Variants in CDK14 observed in about 807,000 individuals in gnomAD.
CDK14 encodes cyclin dependent kinase 14, also known as cyclin-dependent kinase 14.
Under a neutral mutation model 60.7 loss-of-function variants are expected in CDK14, and 34 were observed. The observed-to-expected ratio is 0.56, with a 90% CI of 0.43 to 0.75. The LOEUF is 0.75. Among genes scored for constraint, CDK14 ranks in the 30% least tolerant of loss-of-function variants. The pLI, the probability that CDK14 is intolerant of heterozygous loss-of-function variation, is 0.00. For missense variants in CDK14, 482 were observed against 564.1 expected (o/e 0.85, Z 1.47); for synonymous variants, 197 against 203.7 (o/e 0.97, Z 0.28).
chr7:90,611,781 A>C (rs17865518), intron 2 of CDK14, among the ~76,000 whole-genome samples: 2,187 of 148,892 alleles, frequency 0.015, 23 homozygotes, highest in Middle Eastern at 0.029. Flanking sequence ...GCCTTTCACG[A>C]TCTATCTCTT....
intron 9 of CDK14, among the ~76,000 whole-genome samples, chr7:90,956,892 A>T (rs1454481942): frequency 6.6e-6 from 1 of 151,450 alleles, no homozygotes; most frequent in Non-Finnish European, 1.5e-5. Flanking sequence ...GTGATAGTTT[A>T]TTGAGAATGA....
chr7:91,130,263 AC>A (rs1348232066), intron 14 of CDK14, among the ~76,000 whole-genome samples: 1 of 152,164 alleles, frequency 6.6e-6, no homozygotes, highest in Non-Finnish European at 1.5e-5. Flanking sequence ...ACTATAGGGC[AC>A]TGCCACTCCT....
chr7:91,145,825 C>T (rs1800610737), intron 14 of CDK14, among the ~76,000 whole-genome samples: 1 of 152,186 alleles, frequency 6.6e-6, no homozygotes, highest in African/African-American at 2.4e-5. Flanking sequence ...TAGATGCTTT[C>T]CCTTGAAGAG....
intron 12 of CDK14, among the ~76,000 whole-genome samples, chr7:91,106,340 C>A (rs1799294604): frequency 6.6e-6 from 1 of 152,040 alleles, no homozygotes. Context: ...AAATATATAC[C>A]CAGCCAACCC....
At chr7:90,753,186 CAATG>C (rs376904206) in intron 4 of CDK14, among the ~76,000 whole-genome samples, 2 of 152,110 alleles carry the variant, frequency 1.3e-5, no homozygotes, top group Admixed American at 6.6e-5. Context: ...AGGAAAGAAA[CAATG>C]AAAACAGAAA....
intron 9 of CDK14, among the ~76,000 whole-genome samples, chr7:90,959,858 G>C (rs936948959): frequency 6.6e-6 from 1 of 152,104 alleles, no homozygotes; most frequent in Admixed American, 6.6e-5. Flanking sequence ...TATGAAAATA[G>C]ATAGTTTTTG....
At chr7:91,087,175 T>C (rs1218692275) in intron 12 of CDK14, among the ~76,000 whole-genome samples, 3 of 152,178 alleles carry the variant, frequency 2.0e-5, no homozygotes, top group Non-Finnish European at 4.4e-5. Context: ...CATGAAACAA[T>C]ATATCCCTCT....
chr7:91,109,409 A>G (rs1799411435), intron 12 of CDK14, among the ~76,000 whole-genome samples: 2 of 152,144 alleles, frequency 1.3e-5, no homozygotes, highest in Admixed American at 6.5e-5. Context: ...ATTGATGATG[A>G]ATGCAAAAAA....
chr7:90,924,713 T>A (rs954707642), intron 8 of CDK14, among the ~76,000 whole-genome samples: 7 of 152,184 alleles, frequency 4.6e-5, no homozygotes, highest in African/African-American at 7.2e-5. Flanking sequence ...ATTTTTTTTT[T>A]AATTTGTGAT....
chr7:90,891,234 G>T (rs1792114746), intron 6 of CDK14, among the ~76,000 whole-genome samples: 1 of 152,208 alleles, frequency 6.6e-6, no homozygotes, highest in Admixed American at 6.5e-5. Context: ...TCACCTGGAA[G>T]AGGTTGGAGT....
Position 91,110,965 on chromosome 7 carries a change from C to T in CDK14, c.1155-1577C>T, listed in dbSNP as rs546900406. Among the ~76,000 whole-genome samples the T allele has an allele frequency of 3.9e-5, 6 of 152,210 alleles. No individual in the cohort carries two copies. The East Asian group carries it at 1.2e-3, about 29-fold the overall frequency. On this transcript the variant is annotated intron_variant, in intron 12 of 14. Coordinates refer to ENST00000380050, the MANE Select transcript of CDK14 (RefSeq NM_001287135.2). ...GAAGAGGAAGGAATAATATGAATGG[C>T]CCTGTGCCCTCTTAAAGGGGAAAAA...
chr7:90,672,503 T>C (rs13231566), intron 2 of CDK14, among the ~76,000 whole-genome samples: 1 of 3,490 alleles, frequency 2.9e-4, no homozygotes, highest in Non-Finnish European at 6.1e-4. Flanking sequence ...TCTTCTTCTG[T>C]TTTTTTTTTT....
chr7:90,837,803 G>C (rs947721650), intron 5 of CDK14, among the ~76,000 whole-genome samples: 3 of 152,188 alleles, frequency 2.0e-5, no homozygotes, highest in African/African-American at 7.2e-5. Context: ...ACCATCTCTG[G>C]TGTGAGGGTA....
At chr7:91,085,477 G>A (rs1365498493) in intron 12 of CDK14, among the ~76,000 whole-genome samples, 3 of 152,180 alleles carry the variant, frequency 2.0e-5, no homozygotes, top group African/African-American at 7.2e-5. Context: ...GAAGGTTCAT[G>A]TAATTAGATT....
intron 14 of CDK14, among the ~76,000 whole-genome samples, chr7:91,145,346 G>C (rs1282465660): frequency 1.3e-5 from 2 of 152,164 alleles, no homozygotes; most frequent in Non-Finnish European, 2.9e-5. Context: ...AACATGACTT[G>C]AAAGTTAACT....
Position 90,899,323 on chromosome 7 carries a change from C to A in CDK14, c.672C>A (p.His224Gln). Residue 224 changes from histidine (H) to glutamine (Q), a missense_variant, in exon 7 of 15, where the codon CAC (histidine) becomes CAA (glutamine). By Grantham distance (24) the His-to-Gln change is conservative. Coordinates refer to ENST00000380050, the MANE Select transcript of CDK14 (RefSeq NM_001287135.2). ...HTDLCQYMDK[H>Q]PGGLHPDNVK... ...ATTTATGTCAGTACATGGACAAGCA[C>A]CCTGGGGGGCTGCATCCAGATAATG... The A allele has an allele frequency of 6.2e-7, 1 of 1,602,428 alleles. No homozygotes were observed. Among genetic ancestry groups the A allele is most frequent in the Non-Finnish European group, 8.5e-7 (1 of 1,175,200 alleles).
Position 91,191,687 on chromosome 7 carries a change from G to A in CDK14, c.*29-15478G>A, listed in dbSNP as rs148248724. 1.2e-4 allele frequency among the ~76,000 whole-genome samples: 18 copies of A among 152,044 alleles called. No homozygotes were observed. The East Asian group carries it at 3.3e-3, about 28-fold the overall frequency. On this transcript the variant is annotated intron_variant, in intron 14 of 14. Transcript: ENST00000380050. The stretch of plus-strand genomic sequence containing the variant: ...TGAGGGAAGGAAGAATAAGGAAAGG[G>A]GAAATGTGAAGCTTCAAGAAGGGGA...
chr7:90,733,090 G>A (rs74508324), intron 3 of CDK14, among the ~76,000 whole-genome samples: 9 of 152,094 alleles, frequency 5.9e-5, no homozygotes, highest in East Asian at 1.9e-4. Context: ...CCTTAATTTC[G>A]TTATTTACCC....
intron 14 of CDK14, among the ~76,000 whole-genome samples, chr7:91,145,282 C>CT (rs1001201859): frequency 2.6e-5 from 4 of 152,116 alleles, no homozygotes; most frequent in South Asian, 2.1e-4. Context: ...TTTAGACATA[C>CT]TTTTTTTTAG....
Sources: allele counts gnomAD v4.1 joint callset (sites outside exome capture counted in the v4.1 genomes callset), GRCh38; gene constraint gnomAD v4.1.1; transcripts MANE v1.5; gene names NCBI Gene and HGNC (gene_info 2026-07-23, HGNC 2026-07-21).